Variants in TFEB observed in about 807,000 individuals in gnomAD.
TFEB encodes transcription factor EB.
TFEB carries 12 observed loss-of-function variants against 48.0 expected under a neutral mutation model. That is an observed-to-expected ratio of 0.25 (90% confidence interval 0.16 to 0.40). TFEB has a LOEUF of 0.40. Among genes scored for constraint, TFEB ranks in the 10% least tolerant of loss-of-function variants. TFEB has a pLI of 1.00. For missense variants in TFEB, 509 were observed against 640.3 expected (o/e 0.79, Z 2.21); for synonymous variants, 244 against 261.4 (o/e 0.93, Z 0.64).
At chr6:41,697,408 CAAAAAAAAA>C (rs56059829) in intron 1 of TFEB, among the ~76,000 whole-genome samples, 1 of 63,518 alleles carries the variant, frequency 1.6e-5, no homozygotes, top group Non-Finnish European at 2.6e-5. Context: ...AACTCCATCT[CAAAAAAAAA>C]AAAAAAAAAA....
At chr6:41,732,011 G>C (rs1320350814) in intron 1 of TFEB, among the ~76,000 whole-genome samples, 1 of 152,164 alleles carries the variant, frequency 6.6e-6, no homozygotes, top group African/African-American at 2.4e-5. Flanking sequence ...AGGGGCCTCA[G>C]CAAGTTCCCA....
At chr6:41,715,679 A>G (rs1464979786) in intron 1 of TFEB, among the ~76,000 whole-genome samples, 1 of 151,632 alleles carries the variant, frequency 6.6e-6, no homozygotes, top group African/African-American at 2.4e-5. Flanking sequence ...CAATTAAGAA[A>G]AAAAAAAAAA....
At chr6:41,713,101 G>A (rs537024274) in intron 1 of TFEB, among the ~76,000 whole-genome samples, 56 of 152,052 alleles carry the variant, frequency 3.7e-4, no homozygotes, top group Non-Finnish European at 6.6e-4. Flanking sequence ...GTCTGGCTGC[G>A]ACCCCCACCC....
At chr6:41,699,212 T>C (rs1769766508) in intron 1 of TFEB, among the ~76,000 whole-genome samples, 1 of 152,148 alleles carries the variant, frequency 6.6e-6, no homozygotes, top group Non-Finnish European at 1.5e-5. Flanking sequence ...GGAGGCTGGG[T>C]GTGTAAGTTG....
chr6:41,711,894 C>A (rs1010315291), intron 1 of TFEB, among the ~76,000 whole-genome samples: 1 of 152,184 alleles, frequency 6.6e-6, no homozygotes, highest in Admixed American at 6.5e-5. Flanking sequence ...AGCTCAGAGG[C>A]CTCTTCAGGC....
At chr6:41,732,240 C>A (rs1011604211) in intron 1 of TFEB, among the ~76,000 whole-genome samples, 3 of 152,040 alleles carry the variant, frequency 2.0e-5, no homozygotes, top group African/African-American at 7.3e-5. Flanking sequence ...CTGGGAAACC[C>A]CTTGAAGAAG....
chr6:41,684,428 C>T lies in TFEB; in HGVS notation c.*171G>A. The stretch of plus-strand genomic sequence containing the variant: ...CTGCCCTGGGGGTGCTTCTCCTGAC[C>T]CCACAGGCTGCCAGACAGGCACTAA... On this transcript the variant is annotated 3_prime_UTR_variant, in exon 9 of 9. Coordinates refer to ENST00000373033, the MANE Select transcript of TFEB (RefSeq NM_001271944.2). The T allele has an allele frequency of 1.2e-6, 1 of 802,144 alleles. No homozygotes were observed. Among genetic ancestry groups the T allele is most frequent in the Non-Finnish European group, 1.8e-6 (1 of 563,602 alleles). 49.7% of individuals were successfully genotyped at this position (802,144 alleles called of 1,614,324 possible).
intron 3 of TFEB, among the ~76,000 whole-genome samples, chr6:41,690,204 C>T (rs1054010412): frequency 6.6e-5 from 10 of 152,016 alleles, no homozygotes; most frequent in Middle Eastern, 3.4e-3. Flanking sequence ...GATCTCAGCT[C>T]ACTGCAACTT....
chr6:41,718,053 A>G (rs977558242), intron 1 of TFEB, among the ~76,000 whole-genome samples: 7 of 152,208 alleles, frequency 4.6e-5, no homozygotes, highest in African/African-American at 1.7e-4. Flanking sequence ...GTAGTTGTAT[A>G]TATTTATGGA....
At chr6:41,715,849 G>C (rs1488442972) in intron 1 of TFEB, among the ~76,000 whole-genome samples, 1 of 152,158 alleles carries the variant, frequency 6.6e-6, no homozygotes, top group Non-Finnish European at 1.5e-5. Context: ...CAACCTGTGA[G>C]TGGCAAAGCC....
Position 41,720,449 on chromosome 6 carries a change from C to G in TFEB, c.-23+14901G>C, listed in dbSNP as rs1206758000. On this transcript the variant is annotated intron_variant, in intron 1 of 8. Coordinates refer to ENST00000373033, the MANE Select transcript of TFEB (RefSeq NM_001271944.2). This position sits in a 1 kb window ranked among gnomAD's most constrained non-coding sequence, Gnocchi z 4.1. The stretch of plus-strand genomic sequence containing the variant: ...TCCCCAGTCCTCCCAGCCTTAAAGA[C>G]GACAATCATAACCCACCCAGAGCTC... The G allele has an allele frequency of 6.6e-6, 1 of 152,376 alleles. No individual in the cohort carries two copies. Among genetic ancestry groups the G allele is most frequent in the Non-Finnish European group, 1.5e-5 (1 of 68,178 alleles). 9.4% of individuals were successfully genotyped at this position (152,376 alleles called of 1,614,324 possible). A position where few individuals can be genotyped will look rare whatever the true frequency, so the allele number is the denominator to read the frequency against.
At chr6:41,735,285 G>A in intron 1 of TFEB, 65 bp downstream of exon 1, 1 of 981,700 alleles carries the variant, frequency 1.0e-6, no homozygotes, top group Non-Finnish European at 1.2e-6. Flanking sequence ...CGGGATAGGG[G>A]CCAGGGAGCC....
intron 1 of TFEB, among the ~76,000 whole-genome samples, chr6:41,716,379 G>A (rs1050466219): frequency 1.3e-5 from 2 of 152,146 alleles, no homozygotes; most frequent in Non-Finnish European, 2.9e-5. Flanking sequence ...CTCTGCAGGG[G>A]TCTGAGGCCA....
intron 1 of TFEB, among the ~76,000 whole-genome samples, chr6:41,695,019 C>T (rs552846212): frequency 1.3e-5 from 2 of 152,328 alleles, no homozygotes; most frequent in Admixed American, 1.3e-4. Flanking sequence ...GCTGACTCTG[C>T]CTCAAAGCCC....
intron 1 of TFEB, among the ~76,000 whole-genome samples, chr6:41,696,540 A>T (rs535354896): frequency 6.6e-6 from 1 of 152,048 alleles, no homozygotes; most frequent in African/African-American, 2.4e-5. Flanking sequence ...TAAAAAATAC[A>T]AAAATTAGCC....
At chr6:41,692,397 T>G (rs966356722) in intron 1 of TFEB, among the ~76,000 whole-genome samples, 5 of 152,124 alleles carry the variant, frequency 3.3e-5, no homozygotes, top group Non-Finnish European at 5.9e-5. Context: ...TACAGTGTAA[T>G]AAAGAGAAGG....
Position 41,691,047 on chromosome 6 carries a change from G to A in TFEB, c.167C>T (p.Pro56Leu), listed in dbSNP as rs749744873. 1.3e-6 allele frequency: 2 copies of A among 1,574,832 alleles called. No individual in the cohort carries two copies. The highest frequency in any genetic ancestry group is 2.3e-5 in the South Asian group (2 of 86,922). Reference sequence around the variant, plus strand: ...AGGTGGTGGCGACTGGAAGTGGACGGGGGTATTGATGGCCGGGGTGGGCGG... The same window carrying A: ...AGGTGGTGGCGACTGGAAGTGGACGAGGGTATTGATGGCCGGGGTGGGCGG... ...GGPPTPAINT[P>L]VHFQSPPPVP... The change falls in exon 2 of 9, where the codon CCC becomes CTC. Residue 56 changes from proline (P) to leucine (L), a missense_variant. Pro to Leu is a moderately conservative substitution (Grantham distance 98, BLOSUM62 -3). Coordinates refer to ENST00000373033, the MANE Select transcript of TFEB (RefSeq NM_001271944.2). This position sits in a 1 kb window ranked among gnomAD's most constrained non-coding sequence, Gnocchi z 5.2.
chr6:41,700,067 C>T (rs968689254), intron 1 of TFEB, among the ~76,000 whole-genome samples: 1 of 152,204 alleles, frequency 6.6e-6, no homozygotes, highest in Non-Finnish European at 1.5e-5. Flanking sequence ...CAAAGGCTGT[C>T]ATGCAGGATG....
rs1769401726 is a variant in TFEB at position 41,693,189 on chromosome 6, G to A, written c.-22-1954C>T. 2.0e-5 allele frequency among the ~76,000 whole-genome samples: 3 copies of A among 152,196 alleles called. No individual in the cohort carries two copies. The South Asian group carries it at 6.2e-4, about 31-fold the overall frequency. ...ATAGCAAAGGGAAGCAGCAAAGGCTGACATGTTCTGGCTAATACCAGACAC... is the reference window on the plus strand; with the variant it reads ...ATAGCAAAGGGAAGCAGCAAAGGCTAACATGTTCTGGCTAATACCAGACAC... On this transcript the variant is annotated intron_variant, in intron 1 of 8. Transcript: ENST00000373033.
Sources: allele counts gnomAD v4.1 joint callset (sites outside exome capture counted in the v4.1 genomes callset), GRCh38; gene constraint gnomAD v4.1.1; non-coding constraint Gnocchi (gnomAD v3.1); transcripts MANE v1.5; gene names NCBI Gene and HGNC (gene_info 2026-07-23, HGNC 2026-07-21).